PHLDB2: variants seen among roughly 807,000 people sequenced by gnomAD.
PHLDB2 encodes the protein pleckstrin homology like domain family B member 2.
PHLDB2 carries 71 observed loss-of-function variants against 123.6 expected under a neutral mutation model. The observed-to-expected ratio is 0.57, with a 90% CI of 0.47 to 0.70. The LOEUF is 0.70. PHLDB2 is among the 30% of genes least tolerant of loss of function. The pLI, the probability that PHLDB2 is intolerant of heterozygous loss-of-function variation, is 0.00. For missense variants in PHLDB2, 1,446 were observed against 1,519.5 expected (o/e 0.95, Z 0.80); for synonymous variants, 547 against 541.6 (o/e 1.01, Z -0.14).
chr3:111,896,064 C>A (rs949239903), intron 2 of PHLDB2, among the ~76,000 whole-genome samples: 1 of 151,942 alleles, frequency 6.6e-6, no homozygotes, highest in Admixed American at 6.6e-5. Context: ...GGCATGATCT[C>A]GGCTCAGCCT....
chr3:111,850,925 G>A (rs2064220689), intron 2 of PHLDB2, among the ~76,000 whole-genome samples: 1 of 152,110 alleles, frequency 6.6e-6, no homozygotes, highest in African/African-American at 2.4e-5. Context: ...GCCAGGCGTG[G>A]TGGCTCACGC....
intron 1 of PHLDB2, among the ~76,000 whole-genome samples, chr3:111,785,982 T>A (rs960026652): frequency 3.9e-5 from 6 of 152,152 alleles, no homozygotes; most frequent in Non-Finnish European, 8.8e-5. Context: ...GATATTGGCA[T>A]TTGGCACATT....
chr3:111,952,505 T>C, intron 10 of PHLDB2, 67 bp from the exon 11 acceptor site: 2 of 1,534,670 alleles, frequency 1.3e-6, no homozygotes, highest in Non-Finnish European at 1.8e-6. Flanking sequence ...GCATAATTCT[T>C]CATTTCTTCA....
chr3:111,965,024 T>C (rs1294679897), intron 13 of PHLDB2, among the ~76,000 whole-genome samples: 1 of 152,204 alleles, frequency 6.6e-6, no homozygotes, highest in Non-Finnish European at 1.5e-5. Context: ...TGCATGCCTG[T>C]CTTTGGCTTT....
chr3:111,734,741 G>C (rs1559803865), intron 1 of PHLDB2, among the ~76,000 whole-genome samples: 1 of 152,158 alleles, frequency 6.6e-6, no homozygotes. Flanking sequence ...ATTCTACTCA[G>C]TTCTGCCTTG....
intron 1 of PHLDB2, among the ~76,000 whole-genome samples, chr3:111,877,650 T>A (rs895127074): frequency 6.6e-6 from 1 of 152,122 alleles, no homozygotes; most frequent in Admixed American, 6.6e-5. Context: ...CCATGCCTAT[T>A]TCCTGAATGG....
intron 1 of PHLDB2, among the ~76,000 whole-genome samples, chr3:111,838,227 C>G (rs1047674251): frequency 6.6e-6 from 1 of 152,086 alleles, no homozygotes; most frequent in African/African-American, 2.4e-5. Context: ...TCGCAAACTC[C>G]TGGGCTCAAG....
At position 111,975,150 on chromosome 3, in the gene PHLDB2, G is replaced by T. The variant is rs187222996; in HGVS notation, c.*587G>T. 1 of 152,506 alleles carries T rather than the reference G, an allele frequency of 6.6e-6. No homozygotes were observed. Among genetic ancestry groups the T allele is most frequent in the Non-Finnish European group, 1.5e-5 (1 of 68,036 alleles). The allele number at this position is 152,506 out of a possible 1,614,324, so 9.4% of individuals were successfully genotyped here. Reference sequence around the variant, plus strand: ...AACTGCAAGTGATGAACTGCATTTCGTATTGTTCTGTATATTTCAAAATGG... The same window carrying T: ...AACTGCAAGTGATGAACTGCATTTCTTATTGTTCTGTATATTTCAAAATGG... On this transcript the variant is annotated 3_prime_UTR_variant, in exon 18 of 18. Coordinates refer to ENST00000431670, the MANE Select transcript of PHLDB2 (RefSeq NM_001134438.2).
chr3:111,803,448 C>T (rs933519271), intron 1 of PHLDB2, among the ~76,000 whole-genome samples: 1 of 152,138 alleles, frequency 6.6e-6, no homozygotes, highest in African/African-American at 2.4e-5. Flanking sequence ...CCGTGCAGAA[C>T]TCCTGGACAT....
At position 111,976,050 on chromosome 3, in the gene PHLDB2, G is replaced by T. The variant is rs1353167535; in HGVS notation, c.*1487G>T. 2.0e-5 allele frequency: 3 copies of T among 152,726 alleles called. 1 individual carries two copies. The highest frequency in any genetic ancestry group is 4.4e-5 in the Non-Finnish European group (3 of 68,012). The allele number at this position is 152,726 out of a possible 1,614,324, so 9.5% of individuals were successfully genotyped here. A position where few individuals can be genotyped will look rare whatever the true frequency, so the allele number is the denominator to read the frequency against. On this transcript the variant is annotated 3_prime_UTR_variant, in exon 18 of 18. Coordinates refer to ENST00000431670, the MANE Select transcript of PHLDB2 (RefSeq NM_001134438.2). ...TATTTTTAAAATCTGATTTTGCAGC[G>T]ATCACTTTTAAACCCTGTAGTGATG...
At chr3:111,948,265 GCA>G (rs1309249553) in intron 9 of PHLDB2, among the ~76,000 whole-genome samples, 10 of 151,820 alleles carry the variant, frequency 6.6e-5, no homozygotes, top group Non-Finnish European at 1.5e-4. Flanking sequence ...GTGTGTGTGT[GCA>G]TGTGTGTCTG....
intron 1 of PHLDB2, among the ~76,000 whole-genome samples, chr3:111,870,250 CTGTTTGCTTAGAGGGGGG>C (rs1219153104): frequency 2.0e-5 from 3 of 151,916 alleles, no homozygotes; most frequent in Non-Finnish European, 4.4e-5. Context: ...GGATCTGGGG[CTGTTTGCTTAGAGGGGGG>C]TGTTTGCAGA....
intron 12 of PHLDB2, among the ~76,000 whole-genome samples, chr3:111,957,787 A>G (rs1485802357): frequency 6.6e-6 from 1 of 152,238 alleles, no homozygotes; most frequent in East Asian, 1.9e-4. Flanking sequence ...TCCTGTGGCT[A>G]GGTGGTAGAG....
intron 5 of PHLDB2, among the ~76,000 whole-genome samples, chr3:111,928,404 A>G (rs1348355727): frequency 6.6e-6 from 1 of 152,340 alleles, no homozygotes; most frequent in South Asian, 2.1e-4. Flanking sequence ...ACCTGGCTGC[A>G]TATCAGAAAA....
intron 1 of PHLDB2, among the ~76,000 whole-genome samples, chr3:111,870,965 G>A (rs1372135295): frequency 6.6e-6 from 1 of 152,114 alleles, no homozygotes; most frequent in Non-Finnish European, 1.5e-5. Context: ...CATGAGTATA[G>A]ACTCAAACTT....
intron 2 of PHLDB2, among the ~76,000 whole-genome samples, chr3:111,889,079 C>G (rs1471310674): frequency 6.6e-6 from 1 of 152,124 alleles, no homozygotes; most frequent in Non-Finnish European, 1.5e-5. Flanking sequence ...TAGATGAGCA[C>G]AAAGTTTATA....
Position 111,859,410 on chromosome 3 carries a change from G to A in PHLDB2, c.-181G>A. The A allele has an allele frequency of 3.0e-6, 3 of 985,670 alleles. No homozygotes were observed. Among genetic ancestry groups the A allele is most frequent in the Non-Finnish European group, 3.6e-6 (3 of 830,136 alleles). 61.1% of individuals were successfully genotyped at this position (985,670 alleles called of 1,614,324 possible). A position where few individuals can be genotyped will look rare whatever the true frequency, so the allele number is the denominator to read the frequency against. ...CAACTTCGTTGCTCGAACTCCCTGG[G>A]TGCCCGCCGCGGTGGTTACAAAGGG... On this transcript the variant is annotated 5_prime_UTR_variant, in exon 1 of 18. It adds an upstream start codon to the 5' untranslated region. Transcript: ENST00000431670.
upstream of PHLDB2, among the ~76,000 whole-genome samples, chr3:111,857,481 A>AAAG (rs2064570317): frequency 5.9e-5 from 9 of 151,712 alleles, no homozygotes; most frequent in South Asian, 1.7e-3. Flanking sequence ...AAAAGAAAAA[A>AAAG]AAATTCCAAG....
At chr3:111,865,808 C>G (rs188913799) in intron 1 of PHLDB2, among the ~76,000 whole-genome samples, 12 of 151,788 alleles carry the variant, frequency 7.9e-5, no homozygotes, top group Admixed American at 4.6e-4. Flanking sequence ...TTAAATTAAA[C>G]TTAGTCAATT....
Sources: gnomAD v4.1 joint callset for allele counts (sites outside exome capture counted in the v4.1 genomes callset) on GRCh38, gnomAD v4.1.1 for gene constraint, MANE v1.5 for transcripts, NCBI Gene and HGNC (gene_info 2026-07-23, HGNC 2026-07-21) for gene names.